The following CREM variants were observed in gnomAD, a reference collection of about 807,000 sequenced individuals.
CREM encodes cAMP-responsive element modulator.
CREM carries 13 observed loss-of-function variants against 37.3 expected under a neutral mutation model. The ratio of observed to expected loss-of-function variants is 0.35; its 90% CI spans 0.23 to 0.55. The LOEUF is 0.55. CREM is among the 20% of genes least tolerant of loss of function. The pLI is 0.88. For synonymous variants in CREM, 124 were observed against 120.2 expected, an observed-to-expected ratio of 1.03 and a Z score of -0.21; for missense variants, 296 against 362.3, an observed-to-expected ratio of 0.82 and a Z score of 1.49.
At chr10:35,194,097 C>CAAAAAAAAAAAAAAAAAAAAAAAAAAAAA in intron 6 of CREM, among the ~76,000 whole-genome samples, 1 of 25,052 alleles carries the variant, frequency 4.0e-5, no homozygotes, top group Non-Finnish European at 6.7e-5. Context: ...GACTTCATCT[C>CAAAAAAAAAAAAAAAAAAAAAAAAAAAAA]AAAAAAAAAA....
intron 3 of CREM, among the ~76,000 whole-genome samples, chr10:35,176,830 T>C (rs1291028554): frequency 6.6e-6 from 1 of 152,220 alleles, no homozygotes; most frequent in African/African-American, 2.4e-5. Context: ...TAAGATGATA[T>C]TATTAATGTA....
At chr10:35,196,413 C>A in intron 6 of CREM, 1 of 363,332 alleles carries the variant, frequency 2.8e-6, no homozygotes, top group East Asian at 5.4e-5. Flanking sequence ...ATTCAGTGGT[C>A]TTGTTTGTAA....
chr10:35,184,326 A>G (rs2133380826), intron 5 of CREM, among the ~76,000 whole-genome samples: 1 of 152,330 alleles, frequency 6.6e-6, no homozygotes, highest in Non-Finnish European at 1.5e-5. Flanking sequence ...ATCTTGATTT[A>G]TGTTTATTGA....
intron 6 of CREM, among the ~76,000 whole-genome samples, chr10:35,189,667 C>T (rs1159158956): frequency 6.6e-6 from 1 of 152,084 alleles, no homozygotes; most frequent in African/African-American, 2.4e-5. Context: ...AGGTGCATAA[C>T]GCCATGCCCG....
intron 3 of CREM, among the ~76,000 whole-genome samples, chr10:35,172,011 T>C (rs35146199): frequency 0.29 from 44,491 of 151,808 alleles, 7,054 homozygotes; most frequent in South Asian, 0.35. Flanking sequence ...GGTGGTGGAG[T>C]ACTGGGTCCT....
At chr10:35,209,411 A>T in intron 7 of CREM, 6 of 966,576 alleles carry the variant, frequency 6.2e-6, no homozygotes, top group Non-Finnish European at 7.4e-6. Context: ...TTAATAGAAG[A>T]AACAGGTGTT....
chr10:35,172,332 A>G lies in CREM; in HGVS notation c.169-6557A>G, dbSNP rs117303930. Among the ~76,000 whole-genome samples the G allele has an allele frequency of 8.3e-3, 1,256 of 152,162 alleles. 14 individuals carry two copies. The highest frequency in any genetic ancestry group is 0.056 in the East Asian group (287 of 5,166). ...GATTAGTGTGGAATAGCTGTTTTCAAAGTGTGGTGTGCAGAACCCTGGGGG... is the reference window on the plus strand; with the variant it reads ...GATTAGTGTGGAATAGCTGTTTTCAGAGTGTGGTGTGCAGAACCCTGGGGG... On this transcript the variant is annotated intron_variant, in intron 3 of 7. Transcript: ENST00000685392.
At chr10:35,193,582 G>A (rs1289957878) in intron 6 of CREM, among the ~76,000 whole-genome samples, 2 of 152,046 alleles carry the variant, frequency 1.3e-5, no homozygotes, top group African/African-American at 4.8e-5. Context: ...ACCATCCAGG[G>A]TTCCTTACTC....
chr10:35,166,827 C>T (rs1380688561), intron 3 of CREM, among the ~76,000 whole-genome samples: 1 of 152,108 alleles, frequency 6.6e-6, no homozygotes, highest in Non-Finnish European at 1.5e-5. Context: ...TCTTACTCAG[C>T]ACAATCAAAT....
Position 35,207,004 on chromosome 10 carries a change from G to A in CREM, c.708G>A (p.Leu236=). 6.2e-7 allele frequency: 1 copy of A among 1,614,084 alleles called. No homozygotes were observed. The highest frequency in any genetic ancestry group is 8.5e-7 in the Non-Finnish European group (1 of 1,180,014). ...GAAGTTTGCACAGTCCCCAGCAGCT[G>A]GCAGAAGAAGCAACACGCAAACGAG... ...SPGSLHSPQQ[L]AEEATRKREL... The change falls in exon 7 of 8, where the codon CTG becomes CTA. Residue 236 remains leucine (L), a synonymous_variant. Transcript: ENST00000685392.
intron 6 of CREM, among the ~76,000 whole-genome samples, chr10:35,206,346 A>G (rs540819789): frequency 2.0e-5 from 3 of 152,246 alleles, no homozygotes; most frequent in Non-Finnish European, 2.9e-5. Flanking sequence ...CATTAAAAAC[A>G]TTAGTACTCA....
chr10:35,192,779 G>A (rs1276330250), intron 6 of CREM, among the ~76,000 whole-genome samples: 1 of 152,122 alleles, frequency 6.6e-6, no homozygotes, highest in Admixed American at 6.5e-5. Flanking sequence ...GAGGAAATTG[G>A]GTGGGGATAC....
chr10:35,149,012 A>G (rs1482845094), intron 3 of CREM, among the ~76,000 whole-genome samples: 1 of 152,250 alleles, frequency 6.6e-6, no homozygotes, highest in Non-Finnish European at 1.5e-5. Context: ...TTCATCAAAT[A>G]TTTATTGAAT....
At chr10:35,146,438 C>T (rs1484406439) in intron 2 of CREM, among the ~76,000 whole-genome samples, 1 of 152,164 alleles carries the variant, frequency 6.6e-6, no homozygotes, top group Non-Finnish European at 1.5e-5. Context: ...ATCTTTAAAA[C>T]GTTTTGACAA....
chr10:35,134,214 T>G (rs955937499), intron 1 of CREM, among the ~76,000 whole-genome samples: 1 of 151,772 alleles, frequency 6.6e-6, no homozygotes, highest in Non-Finnish European at 1.5e-5. Context: ...GCTGGCTCAT[T>G]TTTGTAATTT....
chr10:35,197,815 G>A (rs139640314), intron 6 of CREM, among the ~76,000 whole-genome samples: 4 of 152,156 alleles, frequency 2.6e-5, no homozygotes, highest in African/African-American at 4.8e-5. Context: ...CTTTTTTGAA[G>A]GTGTAGTAGA....
chr10:35,176,477 G>A (rs1343752224), intron 3 of CREM, among the ~76,000 whole-genome samples: 1 of 148,338 alleles, frequency 6.7e-6, no homozygotes, highest in East Asian at 2.0e-4. Context: ...GCATGATCTC[G>A]GGCCATTGCA....
At chr10:35,192,905 CT>C (rs769071030) in intron 6 of CREM, among the ~76,000 whole-genome samples, 5 of 152,218 alleles carry the variant, frequency 3.3e-5, no homozygotes, top group African/African-American at 4.8e-5. Context: ...GCCTTGCATT[CT>C]TTAATAGCTG....
chr10:35,189,098 G>GT lies in CREM; in HGVS notation c.598+717dup, dbSNP rs536772033. Among the ~76,000 whole-genome samples the GT allele has an allele frequency of 4.9e-4, 74 of 151,846 alleles. No homozygotes were observed. The South Asian group carries it at 0.015, about 31-fold the overall frequency. Reference sequence around the variant, plus strand: ...ATTCAGGCTATGATGCCCCAAATTTGTTTTTTTCCCTAGCTGTTACTTTCA... The same window carrying GT: ...ATTCAGGCTATGATGCCCCAAATTTGTTTTTTTTCCCTAGCTGTTACTTTCA... On this transcript the variant is annotated intron_variant, in intron 6 of 7. Coordinates refer to ENST00000685392, the MANE Select transcript of CREM (RefSeq NM_183011.2).
Sources: allele counts gnomAD v4.1 joint callset (sites outside exome capture counted in the v4.1 genomes callset), GRCh38; gene constraint gnomAD v4.1.1; transcripts MANE v1.5; gene names NCBI Gene and HGNC (gene_info 2026-07-23, HGNC 2026-07-21).